FYN: variants seen among roughly 807,000 people sequenced by gnomAD.
FYN encodes the protein FYN proto-oncogene, Src family tyrosine kinase.
A neutral mutation model predicts 70.2 loss-of-function variants in FYN; 10 were observed. The observed-to-expected ratio is 0.14, with a 90% confidence interval of 0.09 to 0.24. The LOEUF (loss-of-function observed/expected upper bound fraction) is 0.24, where lower values mean the gene tolerates loss of function less well. Among genes scored for constraint, FYN ranks in the 10% least tolerant of loss-of-function variants. FYN has a pLI of 1.00. For synonymous variants in FYN, 236 were observed against 248.6 expected (o/e 0.95, Z 0.48); for missense variants, 319 against 673.1 (o/e 0.47, Z 5.82).
At chr6:111,744,183 T>G (rs1230215942) in intron 3 of FYN, among the ~76,000 whole-genome samples, 1 of 152,256 alleles carries the variant, frequency 6.6e-6, no homozygotes, top group Non-Finnish European at 1.5e-5. Context: ...AATGTTTGCT[T>G]TTAAATATTA....
chr6:111,715,235 A>G (rs1800572761), intron 4 of FYN, among the ~76,000 whole-genome samples: 2 of 150,090 alleles, frequency 1.3e-5, no homozygotes, highest in Admixed American at 6.6e-5. Flanking sequence ...CCATATAATT[A>G]GGCATAATTC....
intron 2 of FYN, among the ~76,000 whole-genome samples, chr6:111,784,988 T>C (rs1424979144): frequency 1.3e-5 from 2 of 152,210 alleles, no homozygotes; most frequent in Admixed American, 6.5e-5. Context: ...CAAGGAGAAA[T>C]GGATGTCTAA....
At chr6:111,701,458 A>G (rs897818830) in intron 8 of FYN, among the ~76,000 whole-genome samples, 2 of 152,088 alleles carry the variant, frequency 1.3e-5, no homozygotes, top group Non-Finnish European at 2.9e-5. Context: ...TTTAGGTAGG[A>G]AATTATTTAT....
At chr6:111,756,943 C>T (rs1319802277) in intron 3 of FYN, among the ~76,000 whole-genome samples, 4 of 152,132 alleles carry the variant, frequency 2.6e-5, no homozygotes, top group Non-Finnish European at 5.9e-5. Context: ...TCCCTACTTC[C>T]TATCCCCGCT....
intron 5 of FYN, among the ~76,000 whole-genome samples, chr6:111,712,776 G>C (rs1311239248): frequency 1.3e-5 from 2 of 152,172 alleles, no homozygotes; most frequent in Admixed American, 1.3e-4. Context: ...AGGACTCCTG[G>C]GGGGCAGGTA....
intron 3 of FYN, among the ~76,000 whole-genome samples, chr6:111,764,620 C>T (rs1200926443): frequency 6.6e-6 from 1 of 152,160 alleles, no homozygotes; most frequent in Non-Finnish European, 1.5e-5. Context: ...CTATTTGTAA[C>T]CAAACAGCCT....
chr6:111,847,703 T>G (rs1307236225), intron 1 of FYN, among the ~76,000 whole-genome samples: 1 of 152,178 alleles, frequency 6.6e-6, no homozygotes, highest in Non-Finnish European at 1.5e-5. Flanking sequence ...TTTGGAAAGA[T>G]GTATAATTAA....
intron 12 of FYN, among the ~76,000 whole-genome samples, chr6:111,692,236 G>A (rs969642022): frequency 7.2e-5 from 11 of 152,138 alleles, no homozygotes; most frequent in African/African-American, 2.7e-4. Context: ...CGGGACCCTC[G>A]ATTTGGAAAT....
chr6:111,735,499 A>G (rs1451693717), intron 3 of FYN, among the ~76,000 whole-genome samples: 1 of 152,222 alleles, frequency 6.6e-6, no homozygotes, highest in African/African-American at 2.4e-5. Context: ...CCTCAGTGCT[A>G]GGTTTAACTG....
chr6:111,715,500 G>A (rs144570766), intron 4 of FYN, among the ~76,000 whole-genome samples: 2 of 152,244 alleles, frequency 1.3e-5, no homozygotes, highest in East Asian at 3.9e-4. Context: ...TCAACAGAAT[G>A]TGCAGTCCCT....
intron 3 of FYN, among the ~76,000 whole-genome samples, chr6:111,730,530 G>C (rs1490733968): frequency 6.6e-6 from 1 of 152,166 alleles, no homozygotes; most frequent in Non-Finnish European, 1.5e-5. Flanking sequence ...AGGTGGAGAG[G>C]ATGAAACAAA....
chr6:111,749,044 T>C (rs1802370618), intron 3 of FYN, among the ~76,000 whole-genome samples: 1 of 152,202 alleles, frequency 6.6e-6, no homozygotes, highest in African/African-American at 2.4e-5. Context: ...ACATGCATTC[T>C]ACCCTGACCT....
chr6:111,722,739 G>C (rs1334382761), intron 3 of FYN, among the ~76,000 whole-genome samples: 1 of 152,210 alleles, frequency 6.6e-6, no homozygotes, highest in Non-Finnish European at 1.5e-5. Flanking sequence ...CTACTGGGTA[G>C]AGGCCAAGAA....
chr6:111,776,078 A>T (rs1770927580), intron 3 of FYN, among the ~76,000 whole-genome samples: 1 of 152,196 alleles, frequency 6.6e-6, no homozygotes, highest in African/African-American at 2.4e-5. Context: ...TTTATTTTGC[A>T]GACCAGACAG....
At chr6:111,789,213 T>C (rs1257480555) in intron 2 of FYN, among the ~76,000 whole-genome samples, 2 of 152,226 alleles carry the variant, frequency 1.3e-5, no homozygotes, top group African/African-American at 4.8e-5. Flanking sequence ...AGGCTCACTG[T>C]TGAGCAAGGC....
chr6:111,806,896 T>A (rs925007833), intron 2 of FYN, among the ~76,000 whole-genome samples: 3 of 151,994 alleles, frequency 2.0e-5, no homozygotes, highest in Admixed American at 1.3e-4. Context: ...TCTTATTCAA[T>A]CCTCCCAACA....
rs184534284 is a variant in FYN, at chr6:111,697,423, T to G, written c.863-967A>C. Among the ~76,000 whole-genome samples, 16 of 152,326 alleles carry G rather than the reference T, an allele frequency of 1.1e-4. 1 individual carries two copies. In the East Asian group the frequency reaches 2.9e-3, roughly 27 times the overall value. ...TTTCTATTTGAAAAAGAAGACTGGT[T>G]TAAATTAAGATTTTTATATTTAATA... is the stretch of plus-strand genomic sequence containing the variant. On this transcript the variant is annotated intron_variant, in intron 9 of 13. Coordinates refer to ENST00000354650, the MANE Select transcript of FYN (RefSeq NM_002037.5).
chr6:111,800,853 G>C (rs1348319849), intron 2 of FYN, among the ~76,000 whole-genome samples: 1 of 152,192 alleles, frequency 6.6e-6, no homozygotes, highest in African/African-American at 2.4e-5. Context: ...CCAGAGGATA[G>C]CAACCCATGG....
intron 2 of FYN, among the ~76,000 whole-genome samples, chr6:111,817,803 A>G (rs1772537065): frequency 6.6e-6 from 1 of 152,252 alleles, no homozygotes; most frequent in Non-Finnish European, 1.5e-5. Flanking sequence ...TATTGTTTTC[A>G]ATCCAGGATA....
Sources: gnomAD v4.1 joint callset for allele counts (sites outside exome capture counted in the v4.1 genomes callset) on GRCh38, gnomAD v4.1.1 for gene constraint, MANE v1.5 for transcripts, NCBI Gene and HGNC (gene_info 2026-07-23, HGNC 2026-07-21) for gene names.